TCF12: variants seen among roughly 807,000 people sequenced by gnomAD.
TCF12 encodes the protein transcription factor 12.
A neutral mutation model predicts 86.0 loss-of-function variants in TCF12; 45 were observed. The ratio of observed to expected loss-of-function variants is 0.52; its 90% CI spans 0.41 to 0.67. TCF12 has a LOEUF of 0.67. TCF12 is among the 30% of genes least tolerant of loss of function. TCF12 has a pLI of 0.00. For synonymous variants in TCF12, 330 were observed against 299.6 expected (o/e 1.10, Z -1.05); for missense variants, 881 against 859.9 (o/e 1.02, Z -0.31).
chr15:57,282,620 A>C (rs1025472263), intron 20 of TCF12, 22 bp downstream of exon 20: 8 of 1,597,960 alleles, frequency 5.0e-6, no homozygotes, highest in Middle Eastern at 1.7e-4. Flanking sequence ...TTTGAAAAGA[A>C]ACAGCAAGGA....
chr15:57,104,505 G>A (rs900357955), intron 5 of TCF12, among the ~76,000 whole-genome samples: 5 of 141,054 alleles, frequency 3.5e-5, no homozygotes, highest in Admixed American at 1.5e-4. Flanking sequence ...GCAGTGGAGC[G>A]ATCTCGGCTC....
intron 8 of TCF12, among the ~76,000 whole-genome samples, chr15:57,200,473 T>G (rs1420798398): frequency 6.6e-6 from 1 of 152,196 alleles, no homozygotes; most frequent in African/African-American, 2.4e-5. Flanking sequence ...CTATGTATAT[T>G]TTATTTTATG....
At chr15:57,092,280 A>C (rs192687268) in intron 5 of TCF12, among the ~76,000 whole-genome samples, 1 of 152,302 alleles carries the variant, frequency 6.6e-6, no homozygotes, top group Admixed American at 6.5e-5. Context: ...GATTTTAGGC[A>C]GACTTTACTT....
chr15:56,919,768 G>T, intron 1 of TCF12, 124 bp from the exon 2 acceptor site: 4 of 763,244 alleles, frequency 5.2e-6, no homozygotes, highest in East Asian at 3.0e-5. Flanking sequence ...GAGCGAGTCG[G>T]GGTCCTGGAA....
intron 3 of TCF12, among the ~76,000 whole-genome samples, chr15:56,980,439 C>A (rs2062836756): frequency 6.6e-6 from 1 of 152,146 alleles, no homozygotes; most frequent in African/African-American, 2.4e-5. Flanking sequence ...AGAGTGCAAT[C>A]TTGGAAGAAG....
At chr15:57,162,700 T>C (rs986000952) in intron 5 of TCF12, among the ~76,000 whole-genome samples, 1 of 152,230 alleles carries the variant, frequency 6.6e-6, no homozygotes, top group Non-Finnish European at 1.5e-5. Flanking sequence ...TTTAAAACTT[T>C]AGGTTTTTTA....
intron 20 of TCF12, among the ~76,000 whole-genome samples, chr15:57,284,125 A>G (rs534327290): frequency 5.3e-5 from 8 of 152,332 alleles, no homozygotes; most frequent in African/African-American, 1.2e-4. Context: ...ATAGACTACT[A>G]TGAAACAGTA....
chr15:57,005,169 A>G (rs2064278219), intron 3 of TCF12, among the ~76,000 whole-genome samples: 1 of 152,236 alleles, frequency 6.6e-6, no homozygotes, highest in Admixed American at 6.5e-5. Flanking sequence ...GTTCTTAGGT[A>G]TTCTTTAAAT....
At chr15:57,105,006 T>C (rs1343587459) in intron 5 of TCF12, among the ~76,000 whole-genome samples, 1 of 151,568 alleles carries the variant, frequency 6.6e-6, no homozygotes, top group Non-Finnish European at 1.5e-5. Flanking sequence ...CCCAAGTAGC[T>C]GGGATTACAG....
At chr15:57,062,719 A>G (rs1461018238) in intron 3 of TCF12, among the ~76,000 whole-genome samples, 11 of 152,250 alleles carry the variant, frequency 7.2e-5, no homozygotes, top group African/African-American at 2.7e-4. Context: ...GGGAAATTAC[A>G]GAGGGACTTC....
At chr15:57,048,135 A>G (rs2703622) in intron 3 of TCF12, among the ~76,000 whole-genome samples, 1,890 of 152,318 alleles carry the variant, frequency 0.012, 41 homozygotes, top group African/African-American at 0.043. Context: ...TAAAAATAAC[A>G]TTGCATTTAC....
At chr15:56,996,341 C>T (rs2063712607) in intron 3 of TCF12, among the ~76,000 whole-genome samples, 2 of 152,102 alleles carry the variant, frequency 1.3e-5, no homozygotes, top group South Asian at 4.1e-4. Context: ...AGTAAAGCCA[C>T]ACACCTACAA....
At position 57,232,564 on chromosome 15, in the gene TCF12, C is replaced by G. The variant is rs1278681353; in HGVS notation, c.825+134C>G. On this transcript the variant is annotated intron_variant, in intron 10 of 20. Transcript: ENST00000333725. ...GTACTTCAAGGCTTACCGCGTTTAC[C>G]ATGCCTTTCTAAAAAATAAATGACA... 9.7e-6 allele frequency: 14 copies of G among 1,446,106 alleles called. No homozygotes were observed. In the African/African-American group the frequency reaches 2.0e-4, roughly 21 times the overall value. The allele number at this position is 1,446,106 out of a possible 1,614,324, so 89.6% of individuals were successfully genotyped here. A position where few individuals can be genotyped will look rare whatever the true frequency, so the allele number is the denominator to read the frequency against.
At position 57,250,728 on chromosome 15, in the gene TCF12, C is replaced by CA. The variant is rs548000596; in HGVS notation, c.1115-612dup. Among the ~76,000 whole-genome samples, 123 of 138,910 alleles carry CA rather than the reference C, an allele frequency of 8.9e-4. No individual in the cohort carries two copies. The Middle Eastern group carries it at 0.03, about 34-fold the overall frequency. 91.1% of individuals were successfully genotyped at this position (138,910 alleles called of 152,430 possible). ...CAGGTAACAGAGCAAGATGCCATCT[C>CA]AAAAAAAAAAGAAAAAAAATTAGCC... is the stretch of plus-strand genomic sequence containing the variant. On this transcript the variant is annotated intron_variant, in intron 13 of 20. Coordinates refer to ENST00000333725, the MANE Select transcript of TCF12 (RefSeq NM_207037.2).
At chr15:56,965,003 G>C (rs2061940043) in intron 3 of TCF12, among the ~76,000 whole-genome samples, 1 of 152,076 alleles carries the variant, frequency 6.6e-6, no homozygotes, top group Non-Finnish European at 1.5e-5. Context: ...CATTTAAACT[G>C]AAGAATCCAG....
At chr15:56,918,514 G>C (rs2059602200), upstream of TCF12, 1 of 316,556 alleles carries the variant, frequency 3.2e-6, no homozygotes. Flanking sequence ...ACCCGCCGCG[G>C]TGCGGCTCCT....
At chr15:57,278,991 T>C (rs2061556853) in intron 19 of TCF12, among the ~76,000 whole-genome samples, 1 of 151,244 alleles carries the variant, frequency 6.6e-6, no homozygotes, top group Non-Finnish European at 1.5e-5. Context: ...TATTTTCTTT[T>C]CTTTCCTTTC....
chr15:57,163,949 A>G (rs565368235), intron 5 of TCF12, among the ~76,000 whole-genome samples: 2 of 152,158 alleles, frequency 1.3e-5, no homozygotes, highest in African/African-American at 2.4e-5. Context: ...TCCGGTTTCT[A>G]AATAGATAGG....
chr15:57,021,043 C>T (rs543529746), intron 3 of TCF12, among the ~76,000 whole-genome samples: 24 of 152,218 alleles, frequency 1.6e-4, no homozygotes, highest in African/African-American at 5.5e-4. Flanking sequence ...ATATATTCTT[C>T]AATTACATTA....
Sources: allele counts gnomAD v4.1 joint callset (sites outside exome capture counted in the v4.1 genomes callset), GRCh38; gene constraint gnomAD v4.1.1; transcripts MANE v1.5; gene names NCBI Gene and HGNC (gene_info 2026-07-23, HGNC 2026-07-21).